COL5A1: variants seen among roughly 807,000 people sequenced by gnomAD.
COL5A1 encodes the protein collagen alpha-1(V) chain.
COL5A1 carries 16 observed loss-of-function variants against 263.7 expected under a neutral mutation model. The observed-to-expected ratio is 0.06, with a 90% confidence interval of 0.04 to 0.09. The LOEUF is 0.09. Among genes scored for constraint, COL5A1 ranks in the 10% least tolerant of loss-of-function variants. The probability of loss-of-function intolerance (pLI) is 1.00; values close to 1 mark genes in which losing one functional copy is unlikely to be tolerated. For missense variants in COL5A1, 2,036 were observed against 2,540.5 expected, an observed-to-expected ratio of 0.80 and a Z score of 4.27; for synonymous variants, 1,012 against 1,004.5, an observed-to-expected ratio of 1.01 and a Z score of -0.14.
At position 134,703,037 on chromosome 9, in the gene COL5A1, G is replaced by T. The variant is rs569794247; in HGVS notation, c.654+1704G>T. 7.2e-5 allele frequency among the ~76,000 whole-genome samples: 11 copies of T among 152,348 alleles called. No individual in the cohort carries two copies. The South Asian group carries it at 1.2e-3, about 17-fold the overall frequency. ...ACAGCCCCGCGGCCCAGTGCAGACC[G>T]CAGAGGAATGATCAGAGCAGCCACG... On this transcript the variant is annotated intron_variant, in intron 4 of 65. Coordinates refer to ENST00000371817, the MANE Select transcript of COL5A1 (RefSeq NM_000093.5).
At position 134,681,423 on chromosome 9, in the gene COL5A1, C is replaced by T. The variant is rs1462693262; in HGVS notation, c.110-9489C>T. Among the ~76,000 whole-genome samples, 2 of 152,244 alleles carry T rather than the reference C, an allele frequency of 1.3e-5. No homozygotes were observed. Among genetic ancestry groups the T allele is most frequent in the Non-Finnish European group, 2.9e-5 (2 of 68,054 alleles). On this transcript the variant is annotated intron_variant, in intron 1 of 65. Transcript: ENST00000371817. The surrounding 1 kb of genome is among the most constrained non-coding windows in gnomAD (Gnocchi z 4.3). ...GCCCCTGCCCTCCTGCAGTTCACAGCCCGTGGAGGAGACACACGCTGCCCA... is the reference window on the plus strand; with the variant it reads ...GCCCCTGCCCTCCTGCAGTTCACAGTCCGTGGAGGAGACACACGCTGCCCA...
chr9:134,701,840 C>T (rs1013869978), intron 4 of COL5A1, among the ~76,000 whole-genome samples: 9 of 152,178 alleles, frequency 5.9e-5, no homozygotes, highest in Non-Finnish European at 8.8e-5. Context: ...CTTGCTTTCC[C>T]GGGGAATGCC....
At chr9:134,738,720 T>C in intron 10 of COL5A1, 26 bp from the exon 11 acceptor site, 1 of 1,586,386 alleles carries the variant, frequency 6.3e-7, no homozygotes, top group African/African-American at 1.4e-5. Flanking sequence ...ATCTTCTAAC[T>C]GCCCCAACTT....
rs1260070645 is a variant in COL5A1 at position 134,758,972 on chromosome 9, C to G, written c.1935+676C>G. ...GACTGTGGTCTTCTTTCAATAACAA[C>G]GTGATAGAAAGCCTACAATCTCCTG... On this transcript the variant is annotated intron_variant, in intron 18 of 65. Transcript: ENST00000371817. The surrounding 1 kb of genome is among the most constrained non-coding windows in gnomAD (Gnocchi z 4.1). Among the ~76,000 whole-genome samples, 1 of 152,120 alleles carries G rather than the reference C, an allele frequency of 6.6e-6. No homozygotes were observed. The highest frequency in any genetic ancestry group is 6.5e-5 in the Admixed American group (1 of 15,272).
At position 134,765,551 on chromosome 9, in the gene COL5A1, G is replaced by A; in HGVS notation, c.2035-130G>A. The A allele has an allele frequency of 1.3e-6, 1 of 791,224 alleles. No homozygotes were observed. The highest frequency in any genetic ancestry group is 2.2e-6 in the Non-Finnish European group (1 of 452,264). 49.0% of individuals were successfully genotyped at this position (791,224 alleles called of 1,614,324 possible). ...GGGAGGGAGTCTGGGCCTCACTCCT[G>A]GGAGGCCAGGAGGCCTGAGTCACCA... On this transcript the variant is annotated intron_variant, in intron 20 of 65. Transcript: ENST00000371817. This position sits in a 1 kb window ranked among gnomAD's most constrained non-coding sequence, Gnocchi z 5.1.
chr9:134,707,995 G>A (rs541521601), intron 4 of COL5A1, among the ~76,000 whole-genome samples: 24 of 152,326 alleles, frequency 1.6e-4, no homozygotes, highest in African/African-American at 4.6e-4. Context: ...GGAGGGCTGC[G>A]GAGCTGGGAA....
In COL5A1 at chr9:134,774,875, A is replaced by T; in HGVS notation, c.2348A>T (p.Gln783Leu). The change falls in exon 27 of 66, where the codon CAG becomes CTG. Residue 783 changes from glutamine (Q) to leucine (L), a missense_variant. This residue lies in a region of COL5A1 where 1,078 missense variants were observed against 1,521.4 expected (regional missense o/e 0.71). Coordinates refer to ENST00000371817, the MANE Select transcript of COL5A1 (RefSeq NM_000093.5). Reference protein sequence around the residue: ...EKGGQGPPGPQGPIGYPGPRG... With the variant: ...EKGGQGPPGPLGPIGYPGPRG... The stretch of plus-strand genomic sequence containing the variant: ...TGGTTTTAGGGTCCACCTGGCCCCC[A>T]GGGTCCGATTGGCTACCCAGGTCCT... The T allele has an allele frequency of 6.2e-7, 1 of 1,613,912 alleles. No homozygotes were observed. The highest frequency in any genetic ancestry group is 1.3e-5 in the African/African-American group (1 of 75,042).
intron 59 of COL5A1, among the ~76,000 whole-genome samples, 184 bp downstream of exon 59, chr9:134,822,334 T>C (rs1387768066): frequency 6.6e-6 from 1 of 152,130 alleles, no homozygotes; most frequent in Non-Finnish European, 1.5e-5. Flanking sequence ...AGAAAGGAAG[T>C]GGCGTTGCCC....
In COL5A1 at chr9:134,814,091, C is replaced by T. The variant is rs764220587; in HGVS notation, c.3906+55C>T. ...GGATATGGCCGAGCGGGTGTGTGGA[C>T]GGGGTGCTGGGTTGGAGGCTCTGGC... On this transcript the variant is annotated intron_variant, in intron 49 of 65. Coordinates refer to ENST00000371817, the MANE Select transcript of COL5A1 (RefSeq NM_000093.5). 131 of 1,523,790 alleles carry T rather than the reference C, an allele frequency of 8.6e-5. 1 individual carries two copies. In the South Asian group the frequency reaches 9.4e-4, roughly 11 times the overall value. The allele number at this position is 1,523,790 out of a possible 1,614,324, so 94.4% of individuals were successfully genotyped here.
At chr9:134,756,677 T>C (rs556217622) in intron 16 of COL5A1, 88 bp from the exon 17 acceptor site, 26 of 1,433,146 alleles carry the variant, frequency 1.8e-5, no homozygotes. Flanking sequence ...GGTGGAACGC[T>C]CAACTTGGTT....
chr9:134,661,630 C>A (rs917489551), intron 1 of COL5A1, among the ~76,000 whole-genome samples: 4 of 152,004 alleles, frequency 2.6e-5, no homozygotes, highest in African/African-American at 9.7e-5. Context: ...TGCACCCATA[C>A]CCCCCTCCCC....
intron 1 of COL5A1, among the ~76,000 whole-genome samples, chr9:134,674,975 C>A (rs140504660): frequency 0.013 from 1,996 of 152,210 alleles, 16 homozygotes; most frequent in Non-Finnish European, 0.02. Context: ...CCTCACGTTT[C>A]AATATTCCCT....
At chr9:134,690,214 G>A (rs1189829897) in intron 1 of COL5A1, among the ~76,000 whole-genome samples, 1 of 152,162 alleles carries the variant, frequency 6.6e-6, no homozygotes, top group Admixed American at 6.5e-5. Context: ...GCTCTGCATG[G>A]TCTGGCGATG....
In COL5A1 at chr9:134,785,116, C is replaced by A. The variant is rs761094750; in HGVS notation, c.2592+20C>A. 1.1e-5 allele frequency: 17 copies of A among 1,590,158 alleles called. No homozygotes were observed. The South Asian group carries it at 1.8e-4, about 17-fold the overall frequency. ...GAGAAGGTTTGTGATGTGGGACGTT[C>A]AGCCACTTTCTTGGGAGGGATCTGA... On this transcript the variant is annotated intron_variant, in intron 30 of 65. Coordinates refer to ENST00000371817, the MANE Select transcript of COL5A1 (RefSeq NM_000093.5).
chr9:134,728,657 A>G lies in COL5A1; in HGVS notation c.787-13A>G, dbSNP rs1403038080. 1.2e-6 allele frequency: 2 copies of G among 1,613,864 alleles called. No homozygotes were observed. The highest frequency in any genetic ancestry group is 1.7e-6 in the Non-Finnish European group (2 of 1,179,996). On this transcript the variant is annotated splice_polypyrimidine_tract_variant and intron_variant, in intron 5 of 65. Coordinates refer to ENST00000371817, the MANE Select transcript of COL5A1 (RefSeq NM_000093.5). ...CTCCGCTGCTTCCTCACGGGGCCGC[A>G]ATTCGCTTTCAGTACACGGAAGGAG...
intron 11 of COL5A1, among the ~76,000 whole-genome samples, chr9:134,744,371 C>CG (rs1476630450): frequency 2.0e-5 from 3 of 148,476 alleles, no homozygotes; most frequent in South Asian, 4.3e-4. Flanking sequence ...GCATACATGC[C>CG]CACACATGCA....
Position 134,811,239 on chromosome 9 carries a change from T to C in COL5A1, c.3529-100T>C, listed in dbSNP as rs149126976. 118 of 1,024,614 alleles carry C rather than the reference T, an allele frequency of 1.2e-4. 2 individuals are homozygous for C. Among genetic ancestry groups the C allele is most frequent in the Non-Finnish European group, 1.7e-4 (111 of 642,222 alleles). 63.5% of individuals were successfully genotyped at this position (1,024,614 alleles called of 1,614,324 possible). On this transcript the variant is annotated intron_variant, in intron 44 of 65. Coordinates refer to ENST00000371817, the MANE Select transcript of COL5A1 (RefSeq NM_000093.5). The stretch of plus-strand genomic sequence containing the variant: ...ACATTTGGAGACTGAACTGACGACG[T>C]TGGATGCATCAGTCCCCGGGCTCAG...
chr9:134,750,990 G>A (rs1835756965), intron 13 of COL5A1, 108 bp downstream of exon 13: 4 of 961,432 alleles, frequency 4.2e-6, no homozygotes, highest in African/African-American at 3.2e-5. Flanking sequence ...GGAAGCAGCT[G>A]TCTTGATCCC....
In COL5A1 at chr9:134,752,467, C is replaced by G. The variant is rs1835818731; in HGVS notation, c.1663-122C>G. 3 of 733,642 alleles carry G rather than the reference C, an allele frequency of 4.1e-6. No homozygotes were observed. The East Asian group carries it at 8.1e-5, about 20-fold the overall frequency. The allele number at this position is 733,642 out of a possible 1,614,324, so 45.4% of individuals were successfully genotyped here. On this transcript the variant is annotated intron_variant, in intron 13 of 65. Transcript: ENST00000371817. The stretch of plus-strand genomic sequence containing the variant: ...GTCATCAGACCTCCTTTTCCAGAGT[C>G]TCCTGTCCCTCCTCTGTCCAGTCTG...
Sources: gnomAD v4.1 joint callset for allele counts (sites outside exome capture counted in the v4.1 genomes callset) on GRCh38, gnomAD v4.1.1 for gene constraint, gnomAD v4.1.1 regional missense constraint, Gnocchi (gnomAD v3.1) non-coding constraint, MANE v1.5 for transcripts, NCBI Gene and HGNC (gene_info 2026-07-23, HGNC 2026-07-21) for gene names.